KCNH7: variants seen among roughly 807,000 people sequenced by gnomAD.
KCNH7 encodes voltage-gated inwardly rectifying potassium channel KCNH7.
Under a neutral mutation model 120.8 loss-of-function variants are expected in KCNH7, and 49 were observed. The ratio of observed to expected loss-of-function variants is 0.41; its 90% CI spans 0.32 to 0.51. The LOEUF is 0.51. Among genes scored for constraint, KCNH7 ranks in the 20% least tolerant of loss-of-function variants. The pLI, the probability that KCNH7 is intolerant of heterozygous loss-of-function variation, is 0.38. For synonymous variants in KCNH7, 547 were observed against 516.1 expected, an observed-to-expected ratio of 1.06 and a Z score of -0.81; for missense variants, 1,097 against 1,446.6, an observed-to-expected ratio of 0.76 and a Z score of 3.92.
chr2:162,683,280 A>G (rs887859420), intron 2 of KCNH7, among the ~76,000 whole-genome samples: 2 of 151,930 alleles, frequency 1.3e-5, no homozygotes, highest in Non-Finnish European at 2.9e-5. Flanking sequence ...ATTCAGTAAC[A>G]AAGCACAGAA....
intron 2 of KCNH7, among the ~76,000 whole-genome samples, chr2:162,810,162 G>A (rs1312481708): frequency 4.9e-5 from 1 of 20,324 alleles, no homozygotes; most frequent in Admixed American, 5.0e-4. Flanking sequence ...TGATCCGCCC[G>A]CCTCGGCCTC....
At chr2:162,635,892 CAT>C (rs1266595133) in intron 2 of KCNH7, among the ~76,000 whole-genome samples, 1 of 152,030 alleles carries the variant, frequency 6.6e-6, no homozygotes, top group Non-Finnish European at 1.5e-5. Flanking sequence ...TTTTTGGAAA[CAT>C]CTTGCTGCCA....
chr2:162,623,807 T>C (rs568621736), intron 2 of KCNH7, among the ~76,000 whole-genome samples: 12 of 152,316 alleles, frequency 7.9e-5, no homozygotes, highest in African/African-American at 2.9e-4. Context: ...TTAGCTAATA[T>C]CATTATCTTT....
intron 2 of KCNH7, among the ~76,000 whole-genome samples, chr2:162,660,003 T>C (rs1457590949): frequency 6.6e-6 from 1 of 152,146 alleles, no homozygotes; most frequent in African/African-American, 2.4e-5. Context: ...ATTAATAATT[T>C]GTGTTTTCTG....
At chr2:162,575,768 A>G (rs1273753134) in intron 2 of KCNH7, among the ~76,000 whole-genome samples, 1 of 152,078 alleles carries the variant, frequency 6.6e-6, no homozygotes, top group African/African-American at 2.4e-5. Flanking sequence ...ATTAACCAGA[A>G]AAACTATAAT....
At chr2:162,657,026 T>C (rs1684787430) in intron 2 of KCNH7, among the ~76,000 whole-genome samples, 1 of 152,192 alleles carries the variant, frequency 6.6e-6, no homozygotes, top group African/African-American at 2.4e-5. Flanking sequence ...ATATACTTTA[T>C]TATTTAGAGC....
At chr2:162,532,633 A>C (rs2105817067) in intron 3 of KCNH7, among the ~76,000 whole-genome samples, 1 of 152,114 alleles carries the variant, frequency 6.6e-6, no homozygotes, top group Admixed American at 6.5e-5. Context: ...AAAATATTTT[A>C]CCCACACACG....
At chr2:162,396,588 A>G in intron 11 of KCNH7, 152 bp downstream of exon 11, 1 of 608,720 alleles carries the variant, frequency 1.6e-6, no homozygotes, top group Non-Finnish European at 2.8e-6. Flanking sequence ...TAATTCAGAA[A>G]TTTTAATATT....
At chr2:162,416,455 G>A (rs952326870) in intron 9 of KCNH7, among the ~76,000 whole-genome samples, 1 of 151,820 alleles carries the variant, frequency 6.6e-6, no homozygotes, top group African/African-American at 2.4e-5. Context: ...CCCTATCTTG[G>A]AAAACACATT....
intron 9 of KCNH7, among the ~76,000 whole-genome samples, chr2:162,412,172 T>C (rs1393628925): frequency 1.3e-5 from 2 of 152,052 alleles, no homozygotes; most frequent in Non-Finnish European, 2.9e-5. Flanking sequence ...TTCTTTATTA[T>C]CTATAAGCAG....
intron 6 of KCNH7, among the ~76,000 whole-genome samples, chr2:162,466,466 A>T (rs1573991995): frequency 6.6e-6 from 1 of 152,212 alleles, no homozygotes; most frequent in Non-Finnish European, 1.5e-5. Context: ...AAACCATCAG[A>T]TTTCATGAGA....
chr2:162,700,665 A>C (rs1421628934), intron 2 of KCNH7, among the ~76,000 whole-genome samples: 1 of 152,236 alleles, frequency 6.6e-6, no homozygotes, highest in Non-Finnish European at 1.5e-5. Flanking sequence ...GATCATTTCC[A>C]ACTTCTTTGA....
chr2:162,609,989 AGAATAGG>A (rs1427609454), intron 2 of KCNH7, among the ~76,000 whole-genome samples: 2 of 152,126 alleles, frequency 1.3e-5, no homozygotes, highest in Admixed American at 1.3e-4. Flanking sequence ...TACCTTTAGG[AGAATAGG>A]GAGCTTGGGG....
At chr2:162,735,168 T>C (rs531495997) in intron 2 of KCNH7, among the ~76,000 whole-genome samples, 2 of 152,324 alleles carry the variant, frequency 1.3e-5, no homozygotes, top group East Asian at 3.9e-4. Flanking sequence ...GAGAGAAATC[T>C]AATATGAGTG....
chr2:162,455,636 G>A (rs1270616992), intron 6 of KCNH7, among the ~76,000 whole-genome samples: 3 of 152,012 alleles, frequency 2.0e-5, no homozygotes, highest in Non-Finnish European at 4.4e-5. Context: ...GTTTATTCAG[G>A]GATTTGATTT....
At chr2:162,519,434 A>G (rs1262552265) in intron 3 of KCNH7, among the ~76,000 whole-genome samples, 2 of 151,862 alleles carry the variant, frequency 1.3e-5, no homozygotes, top group African/African-American at 4.8e-5. Context: ...ATATTTGTTC[A>G]TATATGTTGC....
chr2:162,556,975 G>A (rs1216094932), intron 2 of KCNH7, among the ~76,000 whole-genome samples: 6 of 152,212 alleles, frequency 3.9e-5, no homozygotes, highest in African/African-American at 1.4e-4. Flanking sequence ...CAGCAGATCA[G>A]TTGGTGTTCT....
At position 162,722,893 on chromosome 2, in the gene KCNH7, T is replaced by C. The variant is rs114716646; in HGVS notation, c.307+113644A>G. On this transcript the variant is annotated intron_variant, in intron 2 of 15. Coordinates refer to ENST00000332142, the MANE Select transcript of KCNH7 (RefSeq NM_033272.4). ...TTTGCTGACTTTTTTTTTAACCTAA[T>C]CTAGTCTGCTGCTGAAATCTTCTAG... is the stretch of plus-strand genomic sequence containing the variant. 8.3e-3 allele frequency among the ~76,000 whole-genome samples: 1,228 copies of C among 147,792 alleles called. 9 individuals carry two copies. The highest frequency in any genetic ancestry group is 0.012 in the Non-Finnish European group (807 of 66,990).
At chr2:162,463,756 C>A (rs1305744536) in intron 6 of KCNH7, among the ~76,000 whole-genome samples, 1 of 149,390 alleles carries the variant, frequency 6.7e-6, no homozygotes, top group African/African-American at 2.5e-5. Flanking sequence ...ATATTGATTA[C>A]TAAGAATCTC....
Sources: gnomAD v4.1 joint callset for allele counts (sites outside exome capture counted in the v4.1 genomes callset) on GRCh38, gnomAD v4.1.1 for gene constraint, MANE v1.5 for transcripts, NCBI Gene and HGNC (gene_info 2026-07-23, HGNC 2026-07-21) for gene names.